The following ARPC5 variants were observed in gnomAD, a reference collection of about 807,000 sequenced individuals.
ARPC5 encodes actin related protein 2/3 complex subunit 5, also known as actin-related protein 2/3 complex subunit 5.
In ARPC5, 5 loss-of-function variants were observed where a neutral mutation model predicts 15.4. The observed-to-expected ratio is 0.32, with a 90% CI of 0.17 to 0.68. ARPC5 has a LOEUF of 0.68. ARPC5 is among the 30% of genes least tolerant of loss of function. ARPC5 has a pLI of 0.71. For synonymous variants in ARPC5, 85 were observed against 72.2 expected (o/e 1.18, Z -0.90); for missense variants, 138 against 192.8 (o/e 0.72, Z 1.68).
In ARPC5 at chr1:183,623,597, C is replaced by A; in HGVS notation, c.*3935G>T. ...GGACAGAAGCAGCCTTGTTTAAGGGCACTTGGTTCTACAGAGGCCGTTGGT... is the reference window on the plus strand; with the variant it reads ...GGACAGAAGCAGCCTTGTTTAAGGGAACTTGGTTCTACAGAGGCCGTTGGT... On this transcript the variant is annotated 3_prime_UTR_variant, in exon 4 of 4. Transcript: ENST00000359856. 3 of 1,364,764 alleles carry A rather than the reference C, an allele frequency of 2.2e-6. No homozygotes were observed. The highest frequency in any genetic ancestry group is 3.1e-6 in the Non-Finnish European group (3 of 982,050). The allele number at this position is 1,364,764 out of a possible 1,614,324, so 84.5% of individuals were successfully genotyped here.
chr1:183,631,408 T>C (rs144632485), intron 2 of ARPC5: 12,439 of 151,700 alleles, frequency 0.082, 1,005 homozygotes, highest in African/African-American at 0.21. Context: ...GGTAAAACCC[T>C]GTCTCTACTA....
intron 2 of ARPC5, chr1:183,631,846 A>G (rs1286002399): frequency 1.3e-5 from 2 of 152,216 alleles, no homozygotes; most frequent in African/African-American, 4.8e-5. Flanking sequence ...CATCCGGCCA[A>G]GCAAAGGAAA....
Position 183,621,720 on chromosome 1 carries a change from G to A in ARPC5, c.*5812C>T, listed in dbSNP as rs1382221482. On this transcript the variant is annotated 3_prime_UTR_variant, in exon 4 of 4. Transcript: ENST00000359856. ...AGACCATATAGGATAACTTCCTGAT[G>A]TTGCCATGGCATTTGTAAACTGTCA... 3.3e-5 allele frequency: 5 copies of A among 152,232 alleles called. No homozygotes were observed. Among genetic ancestry groups the A allele is most frequent in the Non-Finnish European group, 5.9e-5 (4 of 68,042 alleles). The allele number at this position is 152,232 out of a possible 1,614,324, so 9.4% of individuals were successfully genotyped here.
chr1:183,633,131 T>C lies in ARPC5; in HGVS notation c.167A>G (p.Gln56Arg), dbSNP rs1649315887. The change falls in exon 2 of 4, where the codon CAG becomes CGG. Residue 56 changes from glutamine (Q) to arginine (R), a missense_variant. Physicochemically the swap from Gln to Arg is conservative, Grantham distance 43. Coordinates refer to ENST00000359856, the MANE Select transcript of ARPC5 (RefSeq NM_005717.4). ...LRQGNMTAAL[Q>R]AALKNPPINT... is the part of the protein sequence containing the mutation. ...GATAGGGGGGTTCTTCAGAGCTGCC[T>C]GTAGGGCAGCTGTCATGTTTCCTGT... 3.1e-6 allele frequency: 5 copies of C among 1,603,222 alleles called. No homozygotes were observed. In the East Asian group the frequency reaches 9.1e-5, roughly 29 times the overall value.
At position 183,630,451 on chromosome 1, in the gene ARPC5, C is replaced by A. The variant is rs188474705; in HGVS notation, c.393+10G>T. On this transcript the variant is annotated intron_variant, in intron 3 of 3. Transcript: ENST00000359856. ...GAACCAGTCATATAGATTTATAATT[C>A]ATAACTTACCTTTTCATGCCATTGC... The A allele has an allele frequency of 1.9e-6, 3 of 1,588,206 alleles. No individual in the cohort carries two copies. Among genetic ancestry groups the A allele is most frequent in the African/African-American group, 2.7e-5 (2 of 74,094 alleles).
chr1:183,630,486 G>C lies in ARPC5; in HGVS notation c.368C>G (p.Ala123Gly). 6.2e-7 allele frequency: 1 copy of C among 1,612,192 alleles called. No homozygotes were observed. Among genetic ancestry groups the C allele is most frequent in the Non-Finnish European group, 8.5e-7 (1 of 1,178,970 alleles). ...GFESPSDNSS[A>G]MLLQWHEKAL... ...CTTTTCATGCCATTGCAGTAACATA[G>C]CACTGCTATTGTCAGACGGGCTCTC... The change falls in exon 3 of 4, where the codon GCT becomes GGT. Residue 123 changes from alanine to glycine, a missense_variant. Around this residue, in one of 3 missense-constraint regions of ARPC5, gnomAD observed 121 missense variants for 153.7 expected, o/e 0.79. Transcript: ENST00000359856.
Position 183,635,746 on chromosome 1 carries a change from G to A in ARPC5, c.-87C>T. 2 of 1,525,440 alleles carry A rather than the reference G, an allele frequency of 1.3e-6. No individual in the cohort carries two copies. Among genetic ancestry groups the A allele is most frequent in the Non-Finnish European group, 8.9e-7 (1 of 1,129,624 alleles). 94.5% of individuals were successfully genotyped at this position (1,525,440 alleles called of 1,614,324 possible). Reference sequence around the variant, plus strand: ...CCCAGCAACCCACTACCCGGCGCCTGATTCACTTCCCTCTTCCGCTCTGAG... The same window carrying A: ...CCCAGCAACCCACTACCCGGCGCCTAATTCACTTCCCTCTTCCGCTCTGAG... On this transcript the variant is annotated 5_prime_UTR_variant, in exon 1 of 4. Coordinates refer to ENST00000359856, the MANE Select transcript of ARPC5 (RefSeq NM_005717.4).
chr1:183,633,311 A>G (rs192175151), intron 1 of ARPC5, 157 bp from the exon 2 acceptor site: 25 of 529,408 alleles, frequency 4.7e-5, no homozygotes, highest in Non-Finnish European at 6.0e-5. Flanking sequence ...GATGTTAATC[A>G]AAGGCAAAAT....
chr1:183,633,285 A>G lies in ARPC5; in HGVS notation c.144-131T>C. 6.8e-6 allele frequency: 4 copies of G among 591,152 alleles called. No homozygotes were observed. The South Asian group carries it at 8.8e-5, about 13-fold the overall frequency. The allele number at this position is 591,152 out of a possible 1,614,324, so 36.6% of individuals were successfully genotyped here. A position where few individuals can be genotyped will look rare whatever the true frequency, so the allele number is the denominator to read the frequency against. On this transcript the variant is annotated intron_variant, in intron 1 of 3. Transcript: ENST00000359856. Reference sequence around the variant, plus strand: ...CACTATGTTCAATACTGGAAATTCAATGTGTTGGTTTCCAGGATGTTAATC... The same window carrying G: ...CACTATGTTCAATACTGGAAATTCAGTGTGTTGGTTTCCAGGATGTTAATC...
chr1:183,626,863 A>G lies in ARPC5; in HGVS notation c.*669T>C, dbSNP rs1213947159. On this transcript the variant is annotated 3_prime_UTR_variant, in exon 4 of 4. Coordinates refer to ENST00000359856, the MANE Select transcript of ARPC5 (RefSeq NM_005717.4). ...ATATTTTATGGATACATTTGTATAA[A>G]GCAAGACTTCTTGCTCTGAACCCTG... 2 of 152,306 alleles carry G rather than the reference A, an allele frequency of 1.3e-5. No homozygotes were observed. Among genetic ancestry groups the G allele is most frequent in the African/African-American group, 4.8e-5 (2 of 41,454 alleles). The allele number at this position is 152,306 out of a possible 1,614,324, so 9.4% of individuals were successfully genotyped here.
rs1204085222 is a variant in ARPC5, at chr1:183,625,763, T to C, written c.*1769A>G. Reference sequence around the variant, plus strand: ...CTATTGCTTAGCTTATCTTCACCCATAGGACCCTGAATTGCCTGGAAGTGT... The same window carrying C: ...CTATTGCTTAGCTTATCTTCACCCACAGGACCCTGAATTGCCTGGAAGTGT... On this transcript the variant is annotated 3_prime_UTR_variant, in exon 4 of 4. Coordinates refer to ENST00000359856, the MANE Select transcript of ARPC5 (RefSeq NM_005717.4). The C allele has an allele frequency of 1.3e-5, 2 of 152,218 alleles. No individual in the cohort carries two copies. Among genetic ancestry groups the C allele is most frequent in the Non-Finnish European group, 2.9e-5 (2 of 68,030 alleles). The allele number at this position is 152,218 out of a possible 1,614,324, so 9.4% of individuals were successfully genotyped here. A position where few individuals can be genotyped will look rare whatever the true frequency, so the allele number is the denominator to read the frequency against.
chr1:183,629,423 G>A (rs1422563626), intron 3 of ARPC5, among the ~76,000 whole-genome samples: 1 of 152,154 alleles, frequency 6.6e-6, no homozygotes, highest in East Asian at 1.9e-4. Flanking sequence ...TGAATAGGGT[G>A]CCATATAAAT....
In ARPC5 at chr1:183,623,357, T is replaced by C. The variant is rs1648990478; in HGVS notation, c.*4175A>G. 6.9e-7 allele frequency: 1 copy of C among 1,448,414 alleles called. No individual in the cohort carries two copies. The allele number at this position is 1,448,414 out of a possible 1,614,324, so 89.7% of individuals were successfully genotyped here. A position where few individuals can be genotyped will look rare whatever the true frequency, so the allele number is the denominator to read the frequency against. On this transcript the variant is annotated 3_prime_UTR_variant, in exon 4 of 4. Coordinates refer to ENST00000359856, the MANE Select transcript of ARPC5 (RefSeq NM_005717.4). ...TTAAAGTGAATGCTGTGTCCCATGT[T>C]GCTTGTGGTTGGATCATCAATGTGG...
rs1330453008 is a variant in ARPC5, at chr1:183,623,868, CA to C, written c.*3663del. Reference sequence around the variant, plus strand: ...TGAAACCCCATCTCTCCTAAAAATACAAAAATTAGCTGGGCACGGTGATGCG... The same window carrying C: ...TGAAACCCCATCTCTCCTAAAAATACAAAATTAGCTGGGCACGGTGATGCG... On this transcript the variant is annotated 3_prime_UTR_variant, in exon 4 of 4. Coordinates refer to ENST00000359856, the MANE Select transcript of ARPC5 (RefSeq NM_005717.4). 9.2e-6 allele frequency: 2 copies of C among 218,264 alleles called. No individual in the cohort carries two copies. The highest frequency in any genetic ancestry group is 1.8e-5 in the Non-Finnish European group (2 of 108,634). 13.5% of individuals were successfully genotyped at this position (218,264 alleles called of 1,614,324 possible).
At chr1:183,634,876 G>C (rs542758204) in intron 1 of ARPC5, among the ~76,000 whole-genome samples, 2 of 145,310 alleles carry the variant, frequency 1.4e-5, no homozygotes, top group Non-Finnish European at 3.0e-5. Flanking sequence ...AACAAATTCT[G>C]TACAATGTAT....
chr1:183,624,977 T>A lies in ARPC5; in HGVS notation c.*2555A>T, dbSNP rs189783612. On this transcript the variant is annotated 3_prime_UTR_variant, in exon 4 of 4. Transcript: ENST00000359856. ...CACCCATGTTCATGTCCTTAAAATATCATCATACTTGTCATCAAGTATGAC... is the reference window on the plus strand; with the variant it reads ...CACCCATGTTCATGTCCTTAAAATAACATCATACTTGTCATCAAGTATGAC... 2.0e-5 allele frequency: 3 copies of A among 152,338 alleles called. No homozygotes were observed. The East Asian group carries it at 5.8e-4, about 29-fold the overall frequency. The allele number at this position is 152,338 out of a possible 1,614,324, so 9.4% of individuals were successfully genotyped here. A position where few individuals can be genotyped will look rare whatever the true frequency, so the allele number is the denominator to read the frequency against.
At chr1:183,634,795 T>C (rs1365506314) in intron 1 of ARPC5, among the ~76,000 whole-genome samples, 1 of 152,194 alleles carries the variant, frequency 6.6e-6, no homozygotes, top group East Asian at 1.9e-4. Context: ...GTCCTTTTCT[T>C]AGCAGGTAAA....
rs765760695 is a variant in ARPC5 at position 183,626,960 on chromosome 1, T to C, written c.*572A>G. On this transcript the variant is annotated 3_prime_UTR_variant, in exon 4 of 4. Coordinates refer to ENST00000359856, the MANE Select transcript of ARPC5 (RefSeq NM_005717.4). ...GAAAGTAGCATACTTAAACCCACAGTACAGATAATCAGGAGGCAAGCAAAA... is the reference window on the plus strand; with the variant it reads ...GAAAGTAGCATACTTAAACCCACAGCACAGATAATCAGGAGGCAAGCAAAA... The C allele has an allele frequency of 6.5e-6, 1 of 153,312 alleles. No homozygotes were observed. The highest frequency in any genetic ancestry group is 1.5e-5 in the Non-Finnish European group (1 of 68,612). The allele number at this position is 153,312 out of a possible 1,614,324, so 9.5% of individuals were successfully genotyped here. A position where few individuals can be genotyped will look rare whatever the true frequency, so the allele number is the denominator to read the frequency against.
Position 183,625,824 on chromosome 1 carries a change from G to A in ARPC5, c.*1708C>T, listed in dbSNP as rs1649080351. 6.6e-6 allele frequency: 1 copy of A among 152,226 alleles called. No homozygotes were observed. Among genetic ancestry groups the A allele is most frequent in the African/African-American group, 2.4e-5 (1 of 41,436 alleles). 9.4% of individuals were successfully genotyped at this position (152,226 alleles called of 1,614,324 possible). On this transcript the variant is annotated 3_prime_UTR_variant, in exon 4 of 4. Transcript: ENST00000359856. ...GAATCTAGTCAGGTGAAGATCGAAA[G>A]CAAACAGAAGTCGCTGTGAGTAGGT...
Sources: gnomAD v4.1 joint callset for allele counts (sites outside exome capture counted in the v4.1 genomes callset) on GRCh38, gnomAD v4.1.1 for gene constraint, gnomAD v4.1.1 regional missense constraint, MANE v1.5 for transcripts, NCBI Gene and HGNC (gene_info 2026-07-23, HGNC 2026-07-21) for gene names.